Variants in ABI3BP observed in about 807,000 individuals in gnomAD.
The protein encoded by ABI3BP is ABI family member 3 binding protein.
Under a neutral mutation model 268.6 loss-of-function variants are expected in ABI3BP, and 216 were observed. That is an observed-to-expected ratio of 0.80 (90% CI 0.72 to 0.90). The LOEUF is 0.90. Ranked by LOEUF, ABI3BP falls within the 40% of genes least tolerant of loss-of-function variation. The pLI, the probability that ABI3BP is intolerant of heterozygous loss-of-function variation, is 0.00. For missense variants in ABI3BP, 2,090 were observed against 2,182.4 expected (o/e 0.96, Z 0.84); for synonymous variants, 730 against 730.0 (o/e 1.00, Z 0.00).
rs1291511909 is a variant in ABI3BP, at chr3:100,874,836, C to T, written c.910+5G>A. ...AAAGTTCAAATACAAAACTTTTCTG[C>T]TTACCTAATTGTGTCTTGAGTGCAT... On this transcript the variant is annotated splice_donor_5th_base_variant and intron_variant, in intron 9 of 67. Coordinates refer to ENST00000471714, the MANE Select transcript of ABI3BP (RefSeq NM_001375547.2). 6.4e-7 allele frequency: 1 copy of T among 1,570,022 alleles called. No individual in the cohort carries two copies. Among genetic ancestry groups the T allele is most frequent in the Non-Finnish European group, 8.7e-7 (1 of 1,151,888 alleles).
At chr3:100,818,685 A>G (rs1007387670) in intron 40 of ABI3BP, 104 bp from the exon 41 acceptor site, 3 of 959,588 alleles carry the variant, frequency 3.1e-6, no homozygotes, top group Non-Finnish European at 4.6e-6. Context: ...AAATTTTCTG[A>G]AACTTGATAC....
At chr3:100,838,553 TA>T (rs2098641194) in intron 24 of ABI3BP, 89 bp from the exon 25 acceptor site, 1 of 1,093,514 alleles carries the variant, frequency 9.1e-7, no homozygotes, top group South Asian at 1.4e-5. Flanking sequence ...AGACACTATA[TA>T]AATTCAACGA....
At chr3:100,864,127 T>C (rs917976460) in intron 11 of ABI3BP, 51 bp from the exon 12 acceptor site, 3 of 1,252,756 alleles carry the variant, frequency 2.4e-6, no homozygotes, top group Middle Eastern at 1.8e-4. Context: ...GGTTTTGATG[T>C]TGTGGCTTAA....
Position 100,850,109 on chromosome 3 carries a change from T to C in ABI3BP, c.1437A>G (p.Glu479=). ...CCAGTTTTTGAGGAACAAATGGTGT[T>C]TCACTTGGAGCTGAAAGCACAAACA... The part of the protein sequence containing the change: ...EQPRATLAPS[E]TPFVPQKLEI... The change falls in exon 17 of 68, where the codon GAA becomes GAG. Residue 479 remains glutamate (E), a synonymous_variant. Transcript: ENST00000471714. 6.2e-7 allele frequency: 1 copy of C among 1,608,414 alleles called. No homozygotes were observed. Among genetic ancestry groups the C allele is most frequent in the South Asian group, 1.1e-5 (1 of 89,612 alleles).
Position 100,834,710 on chromosome 3 carries a change from C to A in ABI3BP, c.2255G>T (p.Arg752Leu), listed in dbSNP as rs563703897. 57 of 1,535,470 alleles carry A rather than the reference C, an allele frequency of 3.7e-5. No homozygotes were observed. The East Asian group carries it at 1.2e-3, about 32-fold the overall frequency. Residue 752 changes from arginine to leucine, a missense_variant, in exon 29 of 68, where the codon CGC becomes CTC. Transcript: ENST00000471714. ...TAGTTTGGTCTGCAGTGTCTCTGGGCGTGGCGTGGTTTTATGTTTGGGACG... is the reference window on the plus strand; with the variant it reads ...TAGTTTGGTCTGCAGTGTCTCTGGGAGTGGCGTGGTTTTATGTTTGGGACG... ...RPRPKHKTTP[R>L]PETLQTKLDF...
chr3:100,819,302 T>C (rs542691342), intron 40 of ABI3BP, among the ~76,000 whole-genome samples: 42 of 152,338 alleles, frequency 2.8e-4, no homozygotes, highest in Admixed American at 4.6e-4. Flanking sequence ...CTGACTCTCT[T>C]CATCTTTAAG....
intron 6 of ABI3BP, among the ~76,000 whole-genome samples, chr3:100,877,462 CAGA>C (rs920027688): frequency 6.6e-6 from 1 of 152,210 alleles, no homozygotes; most frequent in African/African-American, 2.4e-5. Context: ...ACCTCAGAAT[CAGA>C]AGGACATATC....
chr3:100,877,265 C>G (rs1054859767), intron 6 of ABI3BP, among the ~76,000 whole-genome samples: 1 of 152,170 alleles, frequency 6.6e-6, no homozygotes, highest in African/African-American at 2.4e-5. Context: ...GAAAACCAAT[C>G]AAGATCAATT....
chr3:100,824,895 T>A lies in ABI3BP; in HGVS notation c.2709A>T (p.Lys903Asn). 6.5e-7 allele frequency: 1 copy of A among 1,536,052 alleles called. No homozygotes were observed. The highest frequency in any genetic ancestry group is 1.2e-5 in the South Asian group (1 of 84,022). Residue 903 changes from lysine to asparagine, a missense_variant, in exon 36 of 68, where the codon AAA becomes AAT. Lys to Asn is a moderately conservative substitution (Grantham distance 94). Coordinates refer to ENST00000471714, the MANE Select transcript of ABI3BP (RefSeq NM_001375547.2). The part of the protein sequence containing the change: ...KRTRPPRPRP[K>N]TTPSPQAPET... The stretch of plus-strand genomic sequence containing the variant: ...CAGGTGCCTGAGGGCTCGGTGTAGT[T>A]TTAGGTCTGGGACGTGGAGGGCGGG...
chr3:100,848,931 G>C, intron 17 of ABI3BP, 56 bp from the exon 18 acceptor site: 1 of 1,501,990 alleles, frequency 6.7e-7, no homozygotes, highest in Non-Finnish European at 9.2e-7. Flanking sequence ...GGTCAATCAG[G>C]TTGTGCCTGT....
rs1379476016 is a variant in ABI3BP, at chr3:100,955,060, TCATAAAGTCAGCAAAGGCATTC to T, written c.80-28601_80-28580del. On this transcript the variant is annotated intron_variant, in intron 1 of 67. Transcript: ENST00000471714. Reference sequence around the variant, plus strand: ...CAGGGAAAGTAAGACATGTCTCTTCTCATAAAGTCAGCAAAGGCATTCCATAACCACACGGAGCAGTCAGCAC... The same window carrying T: ...CAGGGAAAGTAAGACATGTCTCTTCTCATAACCACACGGAGCAGTCAGCAC... 1.5e-4 allele frequency among the ~76,000 whole-genome samples: 22 copies of T among 147,004 alleles called. 1 individual carries two copies. Among genetic ancestry groups the T allele is most frequent in the South Asian group, 4.4e-4 (2 of 4,496 alleles).
At position 100,839,571 on chromosome 3, in the gene ABI3BP, G is replaced by T. The variant is rs2098660923; in HGVS notation, c.1943C>A (p.Thr648Asn). 1 of 1,535,846 alleles carries T rather than the reference G, an allele frequency of 6.5e-7. No homozygotes were observed. Among genetic ancestry groups the T allele is most frequent in the Admixed American group, 2.0e-5 (1 of 50,980 alleles). ...TIQPEPLVPT[T>N]ASKPSERPKT... ...CGTGGTGGAGGGAGTAGAATTACCA[G>T]TTGTGGGCACCAAGGGCTCCGGTTG... Residue 648 changes from threonine to asparagine, a missense_variant and splice_region_variant, in exon 24 of 68, where the codon ACT (threonine) becomes AAT (asparagine). Thr to Asn is a moderately conservative substitution (Grantham distance 65, BLOSUM62 0). Coordinates refer to ENST00000471714, the MANE Select transcript of ABI3BP (RefSeq NM_001375547.2).
intron 32 of ABI3BP, among the ~76,000 whole-genome samples, chr3:100,830,114 T>C (rs199548424): frequency 0.012 from 106 of 8,602 alleles, no homozygotes; most frequent in East Asian, 0.036. Context: ...TACATACATA[T>C]ATATATATAT....
chr3:100,776,611 T>C (rs892898445), intron 59 of ABI3BP, among the ~76,000 whole-genome samples: 1 of 152,176 alleles, frequency 6.6e-6, no homozygotes, highest in Admixed American at 6.5e-5. Context: ...ATACACTTTC[T>C]GTGATGCTAA....
intron 58 of ABI3BP, among the ~76,000 whole-genome samples, chr3:100,779,058 T>A (rs1040145019): frequency 3.3e-5 from 5 of 152,252 alleles, no homozygotes; most frequent in Non-Finnish European, 7.3e-5. Flanking sequence ...CTACAATTTC[T>A]TATACCATTT....
At chr3:100,918,440 G>A (rs985023190) in intron 2 of ABI3BP, among the ~76,000 whole-genome samples, 2 of 151,936 alleles carry the variant, frequency 1.3e-5, no homozygotes, top group Non-Finnish European at 2.9e-5. Context: ...TAGCTGCTGG[G>A]AGTTTTCTCC....
intron 36 of ABI3BP, among the ~76,000 whole-genome samples, 155 bp from the exon 37 acceptor site, chr3:100,823,669 T>C (rs2098293680): frequency 6.6e-6 from 1 of 152,194 alleles, no homozygotes; most frequent in Admixed American, 6.5e-5. Context: ...TGTTTGTTCA[T>C]TGATGATTTG....
At chr3:100,878,863 C>T (rs557965955) in intron 6 of ABI3BP, among the ~76,000 whole-genome samples, 45 of 152,248 alleles carry the variant, frequency 3.0e-4, no homozygotes, top group African/African-American at 1.1e-3. Context: ...CATGTTAAAA[C>T]AACTTTTATT....
chr3:100,767,967 A>G (rs2096361381), intron 62 of ABI3BP, among the ~76,000 whole-genome samples: 1 of 152,172 alleles, frequency 6.6e-6, no homozygotes, highest in Non-Finnish European at 1.5e-5. Context: ...CACCTTCAGA[A>G]AGCATCTTTG....
Sources: allele counts gnomAD v4.1 joint callset (sites outside exome capture counted in the v4.1 genomes callset), GRCh38; gene constraint gnomAD v4.1.1; transcripts MANE v1.5; gene names NCBI Gene and HGNC (gene_info 2026-07-23, HGNC 2026-07-21).